Variants in ST3GAL3 observed in about 807,000 individuals in gnomAD.
ST3GAL3 encodes the protein CMP-N-acetylneuraminate-beta-1,4-galactoside alpha-2,3-sialyltransferase.
In ST3GAL3, 21 loss-of-function variants were observed where a neutral mutation model predicts 50.1. That is an observed-to-expected ratio of 0.42 (90% CI 0.30 to 0.60). The LOEUF (loss-of-function observed/expected upper bound fraction) is 0.60. Among genes scored for constraint, ST3GAL3 ranks in the 20% least tolerant of loss-of-function variants. The pLI, the probability that ST3GAL3 is intolerant of heterozygous loss-of-function variation, is 0.19. For missense variants in ST3GAL3, 353 were observed against 489.4 expected (o/e 0.72, Z 2.63); for synonymous variants, 183 against 190.0 (o/e 0.96, Z 0.30).
At chr1:43,858,224 G>A (rs1371959849) in intron 5 of ST3GAL3, 1 of 1,289,384 alleles carries the variant, frequency 7.8e-7, no homozygotes. Flanking sequence ...GGGACACAGA[G>A]AAGGCCCTTC....
At chr1:43,727,324 CCTG>C (rs1673417398) in intron 1 of ST3GAL3, 1 of 152,034 alleles carries the variant, frequency 6.6e-6, no homozygotes, top group African/African-American at 2.4e-5. Context: ...TTATTACACT[CCTG>C]CTATATGCTA....
chr1:43,751,856 G>A lies in ST3GAL3; in HGVS notation c.118+15476G>A, dbSNP rs557320517. ...GTTTTTTTTTGAGACGGAGGTTCTC[G>A]TCACCCAGGCTGGAGTGCAGTGGCG... On this transcript the variant is annotated intron_variant, in intron 2 of 11. Coordinates refer to ENST00000347631, the MANE Select transcript of ST3GAL3 (RefSeq NM_006279.5). 5.3e-5 allele frequency among the ~76,000 whole-genome samples: 8 copies of A among 151,966 alleles called. No homozygotes were observed. The East Asian group carries it at 9.7e-4, about 18-fold the overall frequency.
intron 9 of ST3GAL3, among the ~76,000 whole-genome samples, chr1:43,915,707 A>G (rs934806329): frequency 4.6e-5 from 7 of 152,160 alleles, no homozygotes; most frequent in Non-Finnish European, 8.8e-5. Flanking sequence ...GCAAGTGGGG[A>G]CTTCAGATGG....
At chr1:43,913,225 G>A (rs114080507) in intron 9 of ST3GAL3, 3,930 of 152,292 alleles carry the variant, frequency 0.026, 70 homozygotes, top group Middle Eastern at 0.048. Flanking sequence ...CACACCCTCC[G>A]CTTCACTCTC....
At chr1:43,808,650 A>C (rs938055280) in intron 3 of ST3GAL3, among the ~76,000 whole-genome samples, 1 of 152,168 alleles carries the variant, frequency 6.6e-6, no homozygotes, top group Non-Finnish European at 1.5e-5. Context: ...AAGCTGAGGT[A>C]ACAGTTGAGC....
intron 9 of ST3GAL3, among the ~76,000 whole-genome samples, chr1:43,904,644 C>T (rs1326768259): frequency 1.3e-5 from 2 of 151,760 alleles, no homozygotes; most frequent in African/African-American, 4.8e-5. Flanking sequence ...GTCACTGCCT[C>T]ATAATTATTA....
chr1:43,767,425 C>T (rs1693502459), intron 2 of ST3GAL3, among the ~76,000 whole-genome samples: 1 of 152,016 alleles, frequency 6.6e-6, no homozygotes, highest in African/African-American at 2.4e-5. Context: ...GAACAGGGAA[C>T]AGTTTAGACT....
chr1:43,767,349 G>GA (rs1352666123), intron 2 of ST3GAL3, among the ~76,000 whole-genome samples: 1 of 152,150 alleles, frequency 6.6e-6, no homozygotes, highest in Non-Finnish European at 1.5e-5. Context: ...GTCTCTGGGG[G>GA]ATGGTACTCC....
At chr1:43,804,061 G>A (rs2059613046) in intron 3 of ST3GAL3, among the ~76,000 whole-genome samples, 1 of 152,194 alleles carries the variant, frequency 6.6e-6, no homozygotes, top group Non-Finnish European at 1.5e-5. Context: ...TGCCTGGCTG[G>A]CCTGGGATTC....
intron 9 of ST3GAL3, among the ~76,000 whole-genome samples, chr1:43,910,087 C>T (rs970208018): frequency 5.9e-5 from 9 of 152,212 alleles, no homozygotes; most frequent in Non-Finnish European, 1.3e-4. Context: ...CGAGAGCCAT[C>T]ACCCAGAGGA....
chr1:43,836,996 G>A (rs991497995), intron 4 of ST3GAL3, among the ~76,000 whole-genome samples: 3 of 152,136 alleles, frequency 2.0e-5, no homozygotes, highest in Admixed American at 6.5e-5. Flanking sequence ...CTTGTCTGCC[G>A]TGAGACTGTC....
chr1:43,731,557 A>ATTTTTTTTT (rs147263689), intron 1 of ST3GAL3, among the ~76,000 whole-genome samples: 7 of 123,586 alleles, frequency 5.7e-5, no homozygotes, highest in Middle Eastern at 3.8e-3. Context: ...GCTAATTTTA[A>ATTTTTTTTT]TTTTTTTTTT....
At chr1:43,780,232 A>T (rs1698929548) in intron 2 of ST3GAL3, among the ~76,000 whole-genome samples, 1 of 152,202 alleles carries the variant, frequency 6.6e-6, no homozygotes, top group Non-Finnish European at 1.5e-5. Flanking sequence ...ATTTTCCCTC[A>T]GTATTTTGAA....
intron 9 of ST3GAL3, among the ~76,000 whole-genome samples, chr1:43,900,292 C>T (rs1011216812): frequency 3.3e-5 from 5 of 152,178 alleles, no homozygotes; most frequent in African/African-American, 4.8e-5. Context: ...GTACTTTTAC[C>T]ACTGACTTAT....
chr1:43,746,606 G>A (rs950852042), intron 2 of ST3GAL3, among the ~76,000 whole-genome samples: 8 of 151,442 alleles, frequency 5.3e-5, no homozygotes, highest in African/African-American at 1.9e-4. Context: ...GAGACTACAG[G>A]AGCCCGCCAC....
intron 2 of ST3GAL3, among the ~76,000 whole-genome samples, chr1:43,754,593 T>C (rs1370672267): frequency 6.6e-6 from 1 of 152,146 alleles, no homozygotes; most frequent in Non-Finnish European, 1.5e-5. Flanking sequence ...ACTGAGTCCA[T>C]CCCTAACTCC....
At chr1:43,740,321 G>A (rs756620784) in intron 2 of ST3GAL3, among the ~76,000 whole-genome samples, 6 of 148,744 alleles carry the variant, frequency 4.0e-5, no homozygotes, top group Non-Finnish European at 7.4e-5. Context: ...CTGGGCCACA[G>A]AGCAAGACTC....
chr1:43,774,855 T>C (rs558596275), intron 2 of ST3GAL3, among the ~76,000 whole-genome samples: 1 of 152,266 alleles, frequency 6.6e-6, no homozygotes, highest in Admixed American at 6.5e-5. Context: ...GGAAAAGACA[T>C]TATGTGTCAC....
chr1:43,889,703 T>C (rs2076443518), intron 5 of ST3GAL3, among the ~76,000 whole-genome samples: 2 of 152,226 alleles, frequency 1.3e-5, no homozygotes, highest in African/African-American at 4.8e-5. Context: ...AAAACAGTAG[T>C]TGTGTTAATG....
Sources: gnomAD v4.1 joint callset for allele counts (sites outside exome capture counted in the v4.1 genomes callset) on GRCh38, gnomAD v4.1.1 for gene constraint, MANE v1.5 for transcripts, NCBI Gene and HGNC (gene_info 2026-07-23, HGNC 2026-07-21) for gene names.